Variants in FLNB observed in about 807,000 individuals in gnomAD.
The protein encoded by FLNB is filamin B, also known as filamin-B.
A neutral mutation model predicts 250.6 loss-of-function variants in FLNB; 111 were observed. That is an observed-to-expected ratio of 0.44 (90% confidence interval 0.38 to 0.52). The LOEUF (loss-of-function observed/expected upper bound fraction) is 0.52. Ranked by LOEUF, FLNB falls within the 20% of genes least tolerant of loss-of-function variation. FLNB has a pLI of 0.00. For missense variants in FLNB, 2,869 were observed against 3,447.8 expected (o/e 0.83, Z 4.20); for synonymous variants, 1,302 against 1,372.1 (o/e 0.95, Z 1.13).
At chr3:58,167,840 C>A (rs527938640) in intron 43 of FLNB, among the ~76,000 whole-genome samples, 2 of 152,230 alleles carry the variant, frequency 1.3e-5, no homozygotes, top group Non-Finnish European at 2.9e-5. Context: ...GACCTGGAGC[C>A]GGAGTGGGGT....
At chr3:58,055,639 T>C (rs1222369559) in intron 1 of FLNB, among the ~76,000 whole-genome samples, 1 of 152,248 alleles carries the variant, frequency 6.6e-6, no homozygotes, top group African/African-American at 2.4e-5. Context: ...TAGGGAAAAC[T>C]ATGGCCTGTG....
intron 18 of FLNB, among the ~76,000 whole-genome samples, chr3:58,115,313 T>C (rs1434721254): frequency 6.6e-6 from 1 of 152,230 alleles, no homozygotes; most frequent in Non-Finnish European, 1.5e-5. Context: ...CATAGCTGTC[T>C]GCGTACAATG....
At chr3:58,151,415 AGAG>A (rs140276786) in intron 38 of FLNB, 2 of 143,510 alleles carry the variant, frequency 1.4e-5, no homozygotes, top group African/African-American at 2.7e-5. Flanking sequence ...AAAAAAAAAA[AGAG>A]CTGTACTGAT....
chr3:58,050,599 T>C (rs900475451), intron 1 of FLNB, among the ~76,000 whole-genome samples: 8 of 152,210 alleles, frequency 5.3e-5, no homozygotes, highest in African/African-American at 1.9e-4. Context: ...GCTGAAGTAC[T>C]GATTACCTGC....
At chr3:58,092,684 T>C (rs2097230096) in intron 4 of FLNB, among the ~76,000 whole-genome samples, 1 of 152,074 alleles carries the variant, frequency 6.6e-6, no homozygotes, top group African/African-American at 2.4e-5. Flanking sequence ...AAACAGTACA[T>C]GCAACTACCA....
In FLNB at chr3:58,104,045, A is replaced by G; in HGVS notation, c.1570A>G (p.Ser524Gly). Reference protein sequence around the residue: ...EYYPSTPGRYSIAITWGGHHI... With the variant: ...EYYPSTPGRYGIAITWGGHHI... ...TTACCCCAGCACCCCGGGGAGATAC[A>G]GCATTGCCATCACATGGGGGGGACA... Residue 524 changes from serine (S) to glycine (G), a missense_variant, in exon 10 of 46, where the codon AGC (serine) becomes GGC (glycine). Physicochemically the swap from Ser to Gly is moderately conservative, Grantham distance 56 (BLOSUM62 0). Transcript: ENST00000295956. The G allele has an allele frequency of 1.2e-6, 2 of 1,614,046 alleles. No homozygotes were observed. Among genetic ancestry groups the G allele is most frequent in the South Asian group, 2.2e-5 (2 of 91,062 alleles).
intron 1 of FLNB, among the ~76,000 whole-genome samples, chr3:58,025,030 T>C (rs966720896): frequency 1.3e-5 from 2 of 149,160 alleles, no homozygotes; most frequent in Admixed American, 1.3e-4. Context: ...TTTTTTTTTT[T>C]TTAAGTAGCT....
chr3:58,163,466 C>T (rs2097364970), intron 43 of FLNB, 136 bp downstream of exon 43: 4 of 859,790 alleles, frequency 4.7e-6, no homozygotes, highest in African/African-American at 1.7e-5. Context: ...ACTTCGGAGG[C>T]GCTTGCTGTC....
At chr3:58,047,823 C>T (rs964760513) in intron 1 of FLNB, among the ~76,000 whole-genome samples, 1 of 152,130 alleles carries the variant, frequency 6.6e-6, no homozygotes, top group African/African-American at 2.4e-5. Context: ...CTCAGCCTCC[C>T]AAAGTGCTAG....
At chr3:58,131,871 C>T in intron 25 of FLNB, 3 of 1,199,800 alleles carry the variant, frequency 2.5e-6, no homozygotes, top group Non-Finnish European at 3.6e-6. Context: ...AGAAGCTTTA[C>T]TTGGATATCT....
intron 29 of FLNB, among the ~76,000 whole-genome samples, chr3:58,139,421 C>T (rs372523733): frequency 1.2e-4 from 18 of 152,268 alleles, no homozygotes; most frequent in East Asian, 1.9e-4. Flanking sequence ...TGTGCACAGC[C>T]GACAAAGCAC....
At chr3:58,010,387 G>T (rs1341901775) in intron 1 of FLNB, among the ~76,000 whole-genome samples, 1 of 152,164 alleles carries the variant, frequency 6.6e-6, no homozygotes, top group Admixed American at 6.5e-5. Flanking sequence ...GTCCTGGCAG[G>T]TAAGGCTGCT....
Position 58,130,757 on chromosome 3 carries a change from TCCTGTGAAGGATGTTGTGGA to T in FLNB, c.4242_4261del (p.Val1415GlnfsTer75). 6.2e-7 allele frequency: 1 copy of T among 1,613,692 alleles called. No individual in the cohort carries two copies. The highest frequency in any genetic ancestry group is 8.5e-7 in the Non-Finnish European group (1 of 1,179,886). ...CTCTTCCAGGCAGCCCCTTCAGGGT[TCCTGTGAAGGATGTTGTGGA>T]CCCCAGCAAGGTCAAGATTGCCGGC... On this transcript the variant is annotated frameshift_variant, in exon 25 of 46. Coordinates refer to ENST00000295956, the MANE Select transcript of FLNB (RefSeq NM_001457.4). LOFTEE classifies it high-confidence loss of function.
rs1397012646 is a variant in FLNB, at chr3:58,143,576, T to C, written c.5388T>C (p.His1796=). Reference sequence around the variant, plus strand: ...ATGCCCCCACTGAGGTCGGGCTCCATGAGATGCACATCAAATACATGGGCA... The same window carrying C: ...ATGCCCCCACTGAGGTCGGGCTCCACGAGATGCACATCAAATACATGGGCA... ...VRYAPTEVGL[H]EMHIKYMGSH... The change falls in exon 32 of 46, where the codon CAT becomes CAC. Residue 1796 remains histidine (H), a synonymous_variant. Transcript: ENST00000295956. 6.2e-7 allele frequency: 1 copy of C among 1,613,134 alleles called. No homozygotes were observed. Among genetic ancestry groups the C allele is most frequent in the African/African-American group, 1.3e-5 (1 of 74,894 alleles).
intron 1 of FLNB, among the ~76,000 whole-genome samples, chr3:58,051,018 T>A (rs1306226571): frequency 6.6e-6 from 1 of 152,230 alleles, no homozygotes; most frequent in Non-Finnish European, 1.5e-5. Flanking sequence ...GAGTTGGACC[T>A]GATCACACTT....
chr3:58,013,817 C>T (rs2097102246), intron 1 of FLNB, among the ~76,000 whole-genome samples: 1 of 152,026 alleles, frequency 6.6e-6, no homozygotes, highest in Non-Finnish European at 1.5e-5. Context: ...GAGCAAAACT[C>T]CATCTCAAAA....
chr3:58,069,179 A>G (rs1032319757), intron 1 of FLNB, among the ~76,000 whole-genome samples: 1 of 142,408 alleles, frequency 7.0e-6, no homozygotes, highest in Non-Finnish European at 1.5e-5. Context: ...CCTGACCCAT[A>G]TGTGCTGCTC....
At chr3:58,044,466 C>T (rs2097150622) in intron 1 of FLNB, among the ~76,000 whole-genome samples, 1 of 151,342 alleles carries the variant, frequency 6.6e-6, no homozygotes, top group South Asian at 2.1e-4. Flanking sequence ...CCAAAAAAAC[C>T]CCACAACAAT....
At chr3:58,061,351 CA>C (rs968566428) in intron 1 of FLNB, among the ~76,000 whole-genome samples, 54 of 152,236 alleles carry the variant, frequency 3.5e-4, no homozygotes, top group African/African-American at 1.2e-3. Flanking sequence ...TCCTGACAAG[CA>C]ATTTTGTTAA....
Sources: allele counts gnomAD v4.1 joint callset (sites outside exome capture counted in the v4.1 genomes callset), GRCh38; gene constraint gnomAD v4.1.1; transcripts MANE v1.5; gene names NCBI Gene and HGNC (gene_info 2026-07-23, HGNC 2026-07-21).